Variants in AVEN observed in about 807,000 individuals in gnomAD.
AVEN encodes the protein cell death regulator Aven.
Under a neutral mutation model 38.1 loss-of-function variants are expected in AVEN, and 41 were observed. The observed-to-expected ratio is 1.08, with a 90% CI of 0.84 to 1.40. The LOEUF is 1.40. Among genes scored for constraint, AVEN ranks in the 40% most tolerant of loss-of-function variants. The pLI is 0.00. For synonymous variants in AVEN, 206 were observed against 171.8 expected, an observed-to-expected ratio of 1.20 and a Z score of -1.56; for missense variants, 605 against 438.8, an observed-to-expected ratio of 1.38 and a Z score of -3.38.
intron 2 of AVEN, among the ~76,000 whole-genome samples, chr15:33,961,944 C>T (rs1428190669): frequency 6.6e-6 from 1 of 151,116 alleles, no homozygotes; most frequent in Admixed American, 6.6e-5. Context: ...AAAAATCATT[C>T]ATAGATGATT....
intron 11 of AVEN, among the ~76,000 whole-genome samples, chr15:33,860,064 G>C (rs1384214990): frequency 2.0e-5 from 3 of 152,166 alleles, no homozygotes; most frequent in Non-Finnish European, 4.4e-5. Flanking sequence ...GAGGGAGGTA[G>C]GGTAGGAGCA....
intron 4 of AVEN, chr15:34,064,332 T>A (rs755675000): frequency 6.3e-7 from 1 of 1,599,044 alleles, no homozygotes; most frequent in South Asian, 1.1e-5. Context: ...CAACAACTCC[T>A]CTCGAAAGAA....
At chr15:34,046,482 G>A (rs992853781) in intron 5 of AVEN, 2 of 152,172 alleles carry the variant, frequency 1.3e-5, no homozygotes, top group Non-Finnish European at 2.9e-5. Flanking sequence ...ACTGCACATT[G>A]CAGTTGGAAA....
intron 2 of AVEN, among the ~76,000 whole-genome samples, chr15:33,916,138 C>A (rs2153046491): frequency 6.6e-6 from 1 of 152,266 alleles, no homozygotes; most frequent in Non-Finnish European, 1.5e-5. Flanking sequence ...GCTCCAGGGT[C>A]CCACCCACCA....
chr15:33,858,282 G>GCAACCTCCGCCTCTCAGGTT (rs2079928164), downstream of AVEN: 1 of 188,342 alleles, frequency 5.3e-6, no homozygotes, highest in African/African-American at 2.3e-5. Context: ...TCAGCTCATT[G>GCAACCTCCGCCTCTCAGGTT]CAACCTCCGC....
chr15:33,905,229 C>G (rs925377840), intron 2 of AVEN, among the ~76,000 whole-genome samples: 1 of 151,796 alleles, frequency 6.6e-6, no homozygotes, highest in East Asian at 1.9e-4. Flanking sequence ...CAAAAAAACC[C>G]ACAGGCTTTG....
chr15:33,988,286 G>A (rs186460843), intron 2 of AVEN, among the ~76,000 whole-genome samples: 267 of 152,214 alleles, frequency 1.8e-3, no homozygotes, highest in African/African-American at 5.9e-3. Context: ...CGATTTTAAT[G>A]AACAGTATCA....
chr15:33,974,767 G>C (rs907298431), intron 2 of AVEN, among the ~76,000 whole-genome samples: 1 of 152,188 alleles, frequency 6.6e-6, no homozygotes, highest in Admixed American at 6.5e-5. Context: ...GAGGTCAGGG[G>C]TTTGAGACCA....
At chr15:33,902,532 G>A (rs1892533928) in intron 2 of AVEN, among the ~76,000 whole-genome samples, 1 of 152,086 alleles carries the variant, frequency 6.6e-6, no homozygotes, top group African/African-American at 2.4e-5. Context: ...TACAAGGCAG[G>A]GATGCCCATT....
At chr15:33,878,637 A>G in intron 2 of AVEN, among the ~76,000 whole-genome samples, 1 of 152,210 alleles carries the variant, frequency 6.6e-6, no homozygotes, top group Non-Finnish European at 1.5e-5. Flanking sequence ...AGAAATTATC[A>G]ACAAACTCAA....
downstream of AVEN, among the ~76,000 whole-genome samples, chr15:33,863,304 C>T (rs914247587): frequency 6.6e-6 from 1 of 152,206 alleles, no homozygotes; most frequent in Admixed American, 6.5e-5. Flanking sequence ...CTGTCTTTCT[C>T]AGTAAATGAG....
At chr15:33,892,396 T>C (rs1205256814) in intron 2 of AVEN, among the ~76,000 whole-genome samples, 2 of 152,328 alleles carry the variant, frequency 1.3e-5, no homozygotes, top group Middle Eastern at 3.4e-3. Context: ...CGTGAATTAA[T>C]TTCTGTATAA....
chr15:33,888,788 G>C (rs1891814553), intron 2 of AVEN, among the ~76,000 whole-genome samples: 1 of 152,018 alleles, frequency 6.6e-6, no homozygotes, highest in Admixed American at 6.6e-5. Context: ...GTCTCACTCT[G>C]TCACCAGACT....
At chr15:33,979,198 T>C (rs1288880916) in intron 2 of AVEN, among the ~76,000 whole-genome samples, 2 of 152,158 alleles carry the variant, frequency 1.3e-5, no homozygotes, top group Non-Finnish European at 2.9e-5. Flanking sequence ...AAAATTGGAA[T>C]TTAAATGGGT....
intron 3 of AVEN, 90 bp from the exon 4 acceptor site, chr15:33,871,120 G>T: frequency 1.2e-6 from 1 of 825,108 alleles, no homozygotes; most frequent in Non-Finnish European, 1.7e-6. Context: ...ATCCACTGGA[G>T]TTACATTTGG....
intron 3 of AVEN, among the ~76,000 whole-genome samples, chr15:33,872,881 T>C (rs1452999870): frequency 6.6e-6 from 1 of 152,008 alleles, no homozygotes; most frequent in Non-Finnish European, 1.5e-5. Flanking sequence ...CCTGTGGTCA[T>C]GGAGGCCAAC....
intron 5 of AVEN, among the ~76,000 whole-genome samples, chr15:34,060,825 G>T (rs1245600038): frequency 6.6e-6 from 1 of 152,058 alleles, no homozygotes; most frequent in Non-Finnish European, 1.5e-5. Context: ...AGCCGAGATG[G>T]TGCCACTACA....
chr15:33,855,392 C>T (rs192837101), downstream of AVEN, among the ~76,000 whole-genome samples: 10 of 152,236 alleles, frequency 6.6e-5, no homozygotes, highest in African/African-American at 1.4e-4. Context: ...TTAGTAGAGA[C>T]GGGGTTTCAC....
intron 3 of AVEN, 105 bp downstream of exon 3, chr15:33,875,820 T>G: frequency 8.9e-7 from 1 of 1,121,996 alleles, no homozygotes; most frequent in Non-Finnish European, 1.3e-6. Context: ...ACTGTAAGAA[T>G]TACTACTCTT....
Sources: gnomAD v4.1 joint callset for allele counts (sites outside exome capture counted in the v4.1 genomes callset) on GRCh38, gnomAD v4.1.1 for gene constraint, MANE v1.5 for transcripts, NCBI Gene and HGNC (gene_info 2026-07-23, HGNC 2026-07-21) for gene names.